The following CNTN5 variants were observed in gnomAD, a reference collection of about 807,000 sequenced individuals.
CNTN5 encodes contactin 5, also known as contactin-5.
A neutral mutation model predicts 129.1 loss-of-function variants in CNTN5; 77 were observed. The ratio of observed to expected loss-of-function variants is 0.60; its 90% CI spans 0.50 to 0.72. The LOEUF is 0.72. Among genes scored for constraint, CNTN5 ranks in the 30% least tolerant of loss-of-function variants. The pLI, the probability that CNTN5 is intolerant of heterozygous loss-of-function variation, is 0.00. For missense variants in CNTN5, 1,478 were observed against 1,328.8 expected (o/e 1.11, Z -1.75); for synonymous variants, 509 against 465.6 (o/e 1.09, Z -1.20).
chr11:99,199,346 C>T (rs187172014), intron 1 of CNTN5, among the ~76,000 whole-genome samples: 67 of 152,006 alleles, frequency 4.4e-4, no homozygotes, highest in African/African-American at 1.5e-3. Flanking sequence ...GACCAAGTGG[C>T]CATTTAGTTT....
chr11:99,186,945 T>C (rs1858385840), intron 1 of CNTN5, among the ~76,000 whole-genome samples: 1 of 151,830 alleles, frequency 6.6e-6, no homozygotes, highest in East Asian at 1.9e-4. Flanking sequence ...GAAATGAGGG[T>C]TGAGCAGCCA....
chr11:100,060,781 A>G (rs1200331986), intron 9 of CNTN5, among the ~76,000 whole-genome samples: 1 of 151,384 alleles, frequency 6.6e-6, no homozygotes, highest in East Asian at 2.0e-4. Flanking sequence ...CTGGGATTAT[A>G]GGCGCCCACC....
chr11:100,050,865 A>C (rs1942918637), intron 9 of CNTN5, among the ~76,000 whole-genome samples: 1 of 152,132 alleles, frequency 6.6e-6, no homozygotes, highest in Non-Finnish European at 1.5e-5. Context: ...ATGATAATAA[A>C]AAGATTAACT....
intron 4 of CNTN5, among the ~76,000 whole-genome samples, chr11:99,833,151 A>G (rs1274908826): frequency 6.6e-6 from 1 of 152,188 alleles, no homozygotes; most frequent in Non-Finnish European, 1.5e-5. Flanking sequence ...GATGGATGAT[A>G]CTTAAAATGT....
intron 6 of CNTN5, among the ~76,000 whole-genome samples, chr11:99,871,430 T>C (rs1251156435): frequency 6.6e-6 from 1 of 152,090 alleles, no homozygotes; most frequent in East Asian, 1.9e-4. Flanking sequence ...CCTTAATTGC[T>C]ATTAACTTGG....
chr11:100,264,951 T>C (rs886327141), intron 17 of CNTN5, among the ~76,000 whole-genome samples: 2 of 152,148 alleles, frequency 1.3e-5, no homozygotes, highest in African/African-American at 4.8e-5. Context: ...GGTATCTCAT[T>C]GTAATTCTGA....
chr11:99,087,540 C>T (rs1866052885), intron 1 of CNTN5, among the ~76,000 whole-genome samples: 1 of 152,148 alleles, frequency 6.6e-6, no homozygotes, highest in Non-Finnish European at 1.5e-5. Context: ...GTGGAAGGGA[C>T]ATAATACTCA....
chr11:100,322,982 T>C (rs1244609647), intron 21 of CNTN5, among the ~76,000 whole-genome samples: 1 of 152,220 alleles, frequency 6.6e-6, no homozygotes, highest in Non-Finnish European at 1.5e-5. Flanking sequence ...TCCTATATTA[T>C]TTTGAAGCAA....
chr11:99,129,457 A>G (rs1215738426), intron 1 of CNTN5, among the ~76,000 whole-genome samples: 1 of 152,134 alleles, frequency 6.6e-6, no homozygotes, highest in East Asian at 1.9e-4. Flanking sequence ...GAACTATGGG[A>G]CTATGTAAAA....
At chr11:99,282,609 T>G (rs2135893109) in intron 1 of CNTN5, among the ~76,000 whole-genome samples, 1 of 152,188 alleles carries the variant, frequency 6.6e-6, no homozygotes. Flanking sequence ...AAAGTGACAT[T>G]CTTATCTGTT....
chr11:100,000,931 A>G (rs780110200), intron 8 of CNTN5, among the ~76,000 whole-genome samples: 4 of 152,012 alleles, frequency 2.6e-5, no homozygotes, highest in Non-Finnish European at 2.9e-5. Context: ...CAGCTAGAAC[A>G]CGAGACACCA....
At chr11:100,348,176 G>A (rs939572300) in intron 23 of CNTN5, among the ~76,000 whole-genome samples, 1 of 127,232 alleles carries the variant, frequency 7.9e-6, no homozygotes, top group Non-Finnish European at 1.6e-5. Flanking sequence ...AGAACTCTCT[G>A]GACTCCTTAC....
rs192392138 is a variant in CNTN5 at position 100,178,825 on chromosome 11, C to T, written c.1581-12301C>T. 3.9e-4 allele frequency among the ~76,000 whole-genome samples: 59 copies of T among 152,240 alleles called. No individual in the cohort carries two copies. In the East Asian group the frequency reaches 0.011, roughly 29 times the overall value. ...CACTGGAGAGGTGTCAGCACGGATG[C>T]TTAAATGAAGGTGATATATTGAAGA... On this transcript the variant is annotated intron_variant, in intron 13 of 24. Transcript: ENST00000524871.
chr11:99,850,656 C>T (rs1039312957), intron 6 of CNTN5, among the ~76,000 whole-genome samples: 5 of 151,802 alleles, frequency 3.3e-5, no homozygotes, highest in African/African-American at 9.7e-5. Flanking sequence ...GCTCAAGATA[C>T]ATGTGTAATA....
intron 20 of CNTN5, among the ~76,000 whole-genome samples, chr11:100,302,021 T>G (rs1349962051): frequency 6.6e-6 from 1 of 151,318 alleles, no homozygotes; most frequent in Admixed American, 6.6e-5. Flanking sequence ...GCAAACTGAG[T>G]GAAAGAGTGA....
intron 1 of CNTN5, among the ~76,000 whole-genome samples, chr11:99,121,294 C>T (rs1333731981): frequency 6.6e-6 from 1 of 151,974 alleles, no homozygotes; most frequent in Non-Finnish European, 1.5e-5. Context: ...ACCACCATGC[C>T]CAGCTAATTT....
In CNTN5 at chr11:100,132,453, T is replaced by A. The variant is rs989989550; in HGVS notation, c.1580+58159T>A. On this transcript the variant is annotated intron_variant, in intron 13 of 24. Transcript: ENST00000524871. ...GTAGGAGTAGTAACTGTAGTAATAG[T>A]TGAGGAAGTAAAGTCAACTGCTCTT... is the stretch of plus-strand genomic sequence containing the variant. 5.3e-5 allele frequency among the ~76,000 whole-genome samples: 8 copies of A among 151,994 alleles called. No individual in the cohort carries two copies. In the South Asian group the frequency reaches 6.2e-4, roughly 12 times the overall value.
rs1237829818 is a variant in CNTN5 at position 99,855,640 on chromosome 11, T to C, written c.577+10378T>C. Among the ~76,000 whole-genome samples, 5 of 152,134 alleles carry C rather than the reference T, an allele frequency of 3.3e-5. No homozygotes were observed. The East Asian group carries it at 9.7e-4, about 29-fold the overall frequency. ...CTGAAATTAGAAAACAGAGTCTGAT[T>C]AGTGAAATGAATTTCTCCTTTCCAA... On this transcript the variant is annotated intron_variant, in intron 6 of 24. Coordinates refer to ENST00000524871, the MANE Select transcript of CNTN5 (RefSeq NM_014361.4).
intron 1 of CNTN5, among the ~76,000 whole-genome samples, chr11:99,301,021 CTATTGA>C (rs1408075073): frequency 6.6e-6 from 1 of 151,624 alleles, no homozygotes; most frequent in African/African-American, 2.4e-5. Context: ...ATTTGGTATA[CTATTGA>C]TATTAAGTTG....
Sources: allele counts gnomAD v4.1 joint callset (sites outside exome capture counted in the v4.1 genomes callset), GRCh38; gene constraint gnomAD v4.1.1; transcripts MANE v1.5; gene names NCBI Gene and HGNC (gene_info 2026-07-23, HGNC 2026-07-21).